Variants in NDUFB4 observed in about 807,000 individuals in gnomAD.
NDUFB4 encodes NADH dehydrogenase [ubiquinone] 1 beta subcomplex subunit 4.
In NDUFB4, 10 loss-of-function variants were observed where a neutral mutation model predicts 14.5. The ratio of observed to expected loss-of-function variants is 0.69; its 90% confidence interval spans 0.43 to 1.17. NDUFB4 has a LOEUF of 1.17. Ranked by LOEUF, NDUFB4 falls within the 50% of genes most tolerant of loss-of-function variation. The pLI is 0.00. For missense variants in NDUFB4, 165 were observed against 161.1 expected (o/e 1.02, Z -0.13); for synonymous variants, 65 against 63.4 (o/e 1.03, Z -0.12).
At chr3:120,600,516 A>C (rs1239804164) in intron 1 of NDUFB4, among the ~76,000 whole-genome samples, 1 of 152,188 alleles carries the variant, frequency 6.6e-6, no homozygotes, top group Non-Finnish European at 1.5e-5. Flanking sequence ...AAAACTTCTA[A>C]TAGTGTGAAA....
chr3:120,600,168 G>A (rs1940035125), intron 1 of NDUFB4, among the ~76,000 whole-genome samples: 1 of 146,918 alleles, frequency 6.8e-6, no homozygotes, highest in African/African-American at 2.5e-5. Flanking sequence ...TTATCTCAGG[G>A]TAAATTGTTG....
At chr3:120,597,986 T>A (rs1939994564) in intron 1 of NDUFB4, among the ~76,000 whole-genome samples, 1 of 152,196 alleles carries the variant, frequency 6.6e-6, no homozygotes, top group Admixed American at 6.5e-5. Context: ...TCTTTGGTTC[T>A]GTTGATTAAA....
intron 1 of NDUFB4, among the ~76,000 whole-genome samples, chr3:120,597,634 G>T (rs542988627): frequency 2.0e-5 from 3 of 152,204 alleles, no homozygotes; most frequent in Non-Finnish European, 4.4e-5. Flanking sequence ...TTTTACAGAT[G>T]AGAAGACAAC....
intron 1 of NDUFB4, among the ~76,000 whole-genome samples, chr3:120,599,422 C>A (rs1559773411): frequency 6.6e-5 from 10 of 151,926 alleles, no homozygotes; most frequent in Admixed American, 5.9e-4. Flanking sequence ...TAGGAAAGAC[C>A]AGCGAGGTCC....
intron 1 of NDUFB4, among the ~76,000 whole-genome samples, chr3:120,600,246 C>T (rs1940035954): frequency 1.3e-5 from 2 of 148,182 alleles, no homozygotes; most frequent in East Asian, 4.2e-4. Context: ...ATCATGACTT[C>T]TTGATGTTGG....
At chr3:120,602,145 T>C (rs1940074602) in intron 2 of NDUFB4, 63 bp from the exon 3 acceptor site, 5 of 1,573,148 alleles carry the variant, frequency 3.2e-6, no homozygotes, top group Non-Finnish European at 4.3e-6. Flanking sequence ...TATTTATTTT[T>C]ATCTAATATA....
chr3:120,601,812 C>G, intron 2 of NDUFB4: 3 of 1,026,422 alleles, frequency 2.9e-6, no homozygotes, highest in Non-Finnish European at 3.5e-6. Context: ...ATCTGCATTC[C>G]CATTAGAGTT....
At chr3:120,599,582 TGA>T (rs762505477) in intron 1 of NDUFB4, among the ~76,000 whole-genome samples, 28 of 152,280 alleles carry the variant, frequency 1.8e-4, no homozygotes, top group Non-Finnish European at 3.5e-4. Flanking sequence ...CAGATGCTAC[TGA>T]GAGTGCACTG....
intron 1 of NDUFB4, among the ~76,000 whole-genome samples, chr3:120,597,305 A>G (rs1056123043): frequency 6.6e-6 from 1 of 152,228 alleles, no homozygotes. Flanking sequence ...CTGGTTTCGT[A>G]TATAAATGAT....
At chr3:120,601,352 C>T in intron 2 of NDUFB4, 95 bp downstream of exon 2, 1 of 1,572,870 alleles carries the variant, frequency 6.4e-7, no homozygotes, top group Admixed American at 1.9e-5. Flanking sequence ...CCACCAGTGC[C>T]CCTCCCACCT....
intron 1 of NDUFB4, chr3:120,596,774 G>GAAGA: frequency 1.9e-6 from 1 of 540,526 alleles, no homozygotes; most frequent in Non-Finnish European, 3.3e-6. Flanking sequence ...CTGCCTGCGT[G>GAAGA]ACCTTAAGAA....
Position 120,596,424 on chromosome 3 carries a change from A to G in NDUFB4, c.65A>G (p.Glu22Gly). The change falls in exon 1 of 3, where the codon GAA (glutamate) becomes GGA (glycine). Residue 22 changes from glutamate (E) to glycine (G), a missense_variant. Physicochemically the swap from Glu to Gly is moderately conservative, Grantham distance 98. Coordinates refer to ENST00000184266, the MANE Select transcript of NDUFB4 (RefSeq NM_004547.6). The stretch of plus-strand genomic sequence containing the variant: ...CTGCCTGAGACCCTCGACCCAGCCG[A>G]ATACAACATATCTCCGGAAACCCGG... ...RTLPETLDPA[E>G]YNISPETRRA... 1.2e-6 allele frequency: 2 copies of G among 1,614,176 alleles called. No individual in the cohort carries two copies. Among genetic ancestry groups the G allele is most frequent in the Non-Finnish European group, 1.7e-6 (2 of 1,180,008 alleles).
chr3:120,600,968 G>C, intron 1 of NDUFB4, 143 bp from the exon 2 acceptor site: 1 of 645,206 alleles, frequency 1.5e-6, no homozygotes, highest in Non-Finnish European at 2.6e-6. Context: ...CTTTCCTGAA[G>C]CTGTTTAGGA....
intron 1 of NDUFB4, among the ~76,000 whole-genome samples, chr3:120,599,031 G>T (rs34117675): frequency 0.013 from 1,954 of 152,230 alleles, 39 homozygotes; most frequent in Non-Finnish European, 0.013. Context: ...AAGGCGGTGA[G>T]AAATGGTAGA....
At chr3:120,602,023 C>T in intron 2 of NDUFB4, 185 bp from the exon 3 acceptor site, 1 of 1,340,992 alleles carries the variant, frequency 7.5e-7, no homozygotes, top group South Asian at 2.2e-5. Context: ...TTTCTTCGCA[C>T]ACTCCCTGGG....
In NDUFB4 at chr3:120,596,414, G is replaced by C. The variant is rs752657362; in HGVS notation, c.55G>C (p.Asp19His). The C allele has an allele frequency of 2.5e-6, 4 of 1,614,110 alleles. No individual in the cohort carries two copies. Among genetic ancestry groups the C allele is most frequent in the Non-Finnish European group, 3.4e-6 (4 of 1,180,018 alleles). ...CCTGCGCACTCTGCCTGAGACCCTC[G>C]ACCCAGCCGAATACAACATATCTCC... Reference protein sequence around the residue: ...SSLRTLPETLDPAEYNISPET... With the variant: ...SSLRTLPETLHPAEYNISPET... Residue 19 changes from aspartate (D) to histidine (H), a missense_variant, in exon 1 of 3, where the codon GAC becomes CAC. Coordinates refer to ENST00000184266, the MANE Select transcript of NDUFB4 (RefSeq NM_004547.6).
chr3:120,602,497 C>A lies in NDUFB4; in HGVS notation c.*227C>A. On this transcript the variant is annotated 3_prime_UTR_variant, in exon 3 of 3. Coordinates refer to ENST00000184266, the MANE Select transcript of NDUFB4 (RefSeq NM_004547.6). ...CATAAACTTCATTAAACTGTGAGCT[C>A]TTAGAAAGTACAGATTCTACAATCA... 1 of 481,898 alleles carries A rather than the reference C, an allele frequency of 2.1e-6. No homozygotes were observed. The highest frequency in any genetic ancestry group is 3.7e-6 in the Non-Finnish European group (1 of 272,962). 29.9% of individuals were successfully genotyped at this position (481,898 alleles called of 1,614,324 possible).
intron 1 of NDUFB4, among the ~76,000 whole-genome samples, chr3:120,596,977 C>T (rs578207227): frequency 2.9e-5 from 4 of 138,008 alleles, no homozygotes; most frequent in African/African-American, 7.8e-5. Flanking sequence ...TATATATATT[C>T]TATATATATG....
intron 1 of NDUFB4, 56 bp downstream of exon 1, chr3:120,596,595 A>T: frequency 6.4e-7 from 1 of 1,571,386 alleles, no homozygotes; most frequent in Non-Finnish European, 8.7e-7. Flanking sequence ...AGAGACCGAG[A>T]GAGACCACGC....
Sources: allele counts gnomAD v4.1 joint callset (sites outside exome capture counted in the v4.1 genomes callset), GRCh38; gene constraint gnomAD v4.1.1; transcripts MANE v1.5; gene names NCBI Gene and HGNC (gene_info 2026-07-23, HGNC 2026-07-21).